Variants in SLC27A6 observed in about 807,000 individuals in gnomAD.
SLC27A6 encodes the protein solute carrier family 27 member 6, also known as long-chain fatty acid transport protein 6.
Under a neutral mutation model 63.9 loss-of-function variants are expected in SLC27A6, and 74 were observed. That is an observed-to-expected ratio of 1.16 (90% CI 0.96 to 1.40). The LOEUF is 1.40. Among genes scored for constraint, SLC27A6 ranks in the 40% most tolerant of loss-of-function variants. The probability of loss-of-function intolerance (pLI) is 0.00; values close to 1 mark genes in which losing one functional copy is unlikely to be tolerated. For synonymous variants in SLC27A6, 287 were observed against 260.8 expected, an observed-to-expected ratio of 1.10 and a Z score of -0.97; for missense variants, 794 against 732.9, an observed-to-expected ratio of 1.08 and a Z score of -0.96.
chr5:129,010,070 G>A (rs1037842569), intron 4 of SLC27A6, among the ~76,000 whole-genome samples: 1 of 152,190 alleles, frequency 6.6e-6, no homozygotes, highest in Non-Finnish European at 1.5e-5. Flanking sequence ...GAATCAGTGA[G>A]TCACTGTCCT....
chr5:129,020,038 C>A (rs1752024451), intron 5 of SLC27A6, among the ~76,000 whole-genome samples: 1 of 151,444 alleles, frequency 6.6e-6, no homozygotes, highest in South Asian at 2.1e-4. Context: ...ACAAAAAGAA[C>A]CAAAAGGAGA....
chr5:128,973,738 G>A (rs530966722), intron 1 of SLC27A6, among the ~76,000 whole-genome samples: 37 of 152,304 alleles, frequency 2.4e-4, no homozygotes, highest in African/African-American at 8.2e-4. Context: ...CAGGTGAGGC[G>A]ATGCCCTGTC....
chr5:128,971,835 T>G (rs1380927176), intron 1 of SLC27A6, among the ~76,000 whole-genome samples: 1 of 152,202 alleles, frequency 6.6e-6, no homozygotes, highest in South Asian at 2.1e-4. Flanking sequence ...TGCTCTTTAG[T>G]TGATGCAGTT....
At position 128,966,569 on chromosome 5, in the gene SLC27A6, C is replaced by G; in HGVS notation, c.432C>G (p.Leu144=). The G allele has an allele frequency of 6.4e-7, 1 of 1,559,908 alleles. No individual in the cohort carries two copies. Among genetic ancestry groups the G allele is most frequent in the Non-Finnish European group, 8.6e-7 (1 of 1,159,306 alleles). The change falls in exon 1 of 10, where the codon CTC becomes CTG. Residue 144 remains leucine (L), a synonymous_variant. Transcript: ENST00000262462. ...FLNTNIRSNS[L]LNCIRACGPR... ...ACACCAACATTCGCTCCAACTCCCT[C>G]CTGAATTGCATCCGCGCCTGTGGGC...
intron 6 of SLC27A6, 50 bp downstream of exon 6, chr5:129,023,760 T>C: frequency 3.8e-6 from 5 of 1,301,268 alleles, no homozygotes; most frequent in Non-Finnish European, 5.5e-6. Flanking sequence ...TCTGATCTCC[T>C]GTATACAGAC....
At chr5:129,024,383 G>A (rs754164255) in intron 6 of SLC27A6, among the ~76,000 whole-genome samples, 2 of 152,112 alleles carry the variant, frequency 1.3e-5, no homozygotes, top group Admixed American at 6.5e-5. Context: ...GGATTTAAAC[G>A]TGGTCTCTGA....
chr5:128,975,540 G>C (rs1750346639), intron 1 of SLC27A6, among the ~76,000 whole-genome samples: 1 of 152,124 alleles, frequency 6.6e-6, no homozygotes, highest in African/African-American at 2.4e-5. Context: ...TAGGCAATTG[G>C]AACACAATGG....
At chr5:129,010,953 G>A (rs1449325382) in intron 4 of SLC27A6, among the ~76,000 whole-genome samples, 1 of 152,046 alleles carries the variant, frequency 6.6e-6, no homozygotes, top group Non-Finnish European at 1.5e-5. Context: ...TTGTTTGAAG[G>A]GCCTAGGTTT....
Position 129,033,216 on chromosome 5 carries a change from A to G in SLC27A6, c.1794A>G (p.Lys598=), listed in dbSNP as rs150330050. ...SEPLYFMDNL[K]KSYVLLTREL... is the part of the protein sequence containing the mutation. ...CACTTTACTTCATGGATAACTTGAAAAAGTCTTATGTTCTACTGACCAGGG... is the reference window on the plus strand; with the variant it reads ...CACTTTACTTCATGGATAACTTGAAGAAGTCTTATGTTCTACTGACCAGGG... The change falls in exon 10 of 10, where the codon AAA becomes AAG. Residue 598 remains lysine, a synonymous_variant. Transcript: ENST00000262462. 1.2e-4 allele frequency: 188 copies of G among 1,601,930 alleles called. No individual in the cohort carries two copies. The highest frequency in any genetic ancestry group is 1.2e-4 in the Non-Finnish European group (141 of 1,173,300).
In SLC27A6 at chr5:129,023,928, T is replaced by C. The variant is rs373778517; in HGVS notation, c.1255+218T>C. Reference sequence around the variant, plus strand: ...AGGTTGCTTATAATACATAATACAATGTAAATGCTACATAAATAGGGTCGT... The same window carrying C: ...AGGTTGCTTATAATACATAATACAACGTAAATGCTACATAAATAGGGTCGT... On this transcript the variant is annotated intron_variant, in intron 6 of 9. Transcript: ENST00000262462. Among the ~76,000 whole-genome samples the C allele has an allele frequency of 1.8e-3, 272 of 152,236 alleles. 9 individuals are homozygous for C. In the South Asian group the frequency reaches 0.051, roughly 28 times the overall value.
intron 4 of SLC27A6, among the ~76,000 whole-genome samples, chr5:128,996,770 G>T (rs1751174855): frequency 7.1e-6 from 1 of 140,260 alleles, no homozygotes; most frequent in South Asian, 2.5e-4. Context: ...ATATGATATG[G>T]AAATGAAGAA....
intron 1 of SLC27A6, among the ~76,000 whole-genome samples, chr5:128,968,276 C>T (rs753734374): frequency 3.7e-4 from 57 of 152,258 alleles, no homozygotes; most frequent in Middle Eastern, 3.4e-3. Context: ...GGTATATACC[C>T]GGTAATGGGA....
intron 4 of SLC27A6, among the ~76,000 whole-genome samples, chr5:129,004,537 T>A (rs1751453735): frequency 1.3e-5 from 2 of 152,208 alleles, no homozygotes; most frequent in Admixed American, 1.3e-4. Context: ...TTCATTTATT[T>A]AATTGTGCTC....
chr5:129,008,573 G>A (rs537947087), intron 4 of SLC27A6, among the ~76,000 whole-genome samples: 1 of 152,298 alleles, frequency 6.6e-6, no homozygotes, highest in East Asian at 1.9e-4. Flanking sequence ...CCTAAGATTT[G>A]CAATGCTGCT....
chr5:129,021,046 G>T (rs1292450239), intron 5 of SLC27A6, among the ~76,000 whole-genome samples: 3 of 151,580 alleles, frequency 2.0e-5, no homozygotes, highest in Admixed American at 2.0e-4. Flanking sequence ...TGTAATTCGG[G>T]TTGACTGCTC....
rs201206690 is a variant in SLC27A6 at position 128,966,632 on chromosome 5, T to A, written c.481+14T>A. On this transcript the variant is annotated intron_variant, in intron 1 of 9. Coordinates refer to ENST00000262462, the MANE Select transcript of SLC27A6 (RefSeq NM_001017372.3). The stretch of plus-strand genomic sequence containing the variant: ...TGGTGGGCGCAGGTAGAGTATGGGG[T>A]GTGGTCTGCCTATACAGAATGGCAG... The A allele has an allele frequency of 3.3e-6, 5 of 1,503,828 alleles. No individual in the cohort carries two copies. Among genetic ancestry groups the A allele is most frequent in the Non-Finnish European group, 4.4e-6 (5 of 1,134,932 alleles). The allele number at this position is 1,503,828 out of a possible 1,614,324, so 93.2% of individuals were successfully genotyped here.
chr5:129,004,422 T>G (rs1751449862), intron 4 of SLC27A6, among the ~76,000 whole-genome samples: 1 of 152,196 alleles, frequency 6.6e-6, no homozygotes, highest in Non-Finnish European at 1.5e-5. Flanking sequence ...TCTCTCACTT[T>G]CACTCTCTGT....
rs150609248 is a variant in SLC27A6 at position 128,981,222 on chromosome 5, A to G, written c.482-3911A>G. 9.2e-3 allele frequency among the ~76,000 whole-genome samples: 1,400 copies of G among 152,210 alleles called. 14 individuals carry two copies. The highest frequency in any genetic ancestry group is 0.031 in the African/African-American group (1,297 of 41,550). Reference sequence around the variant, plus strand: ...TGGCTGGGCGTGGTGGCTCATGTCTATAATCCCAGCACTTTGGGAGGCCAA... The same window carrying G: ...TGGCTGGGCGTGGTGGCTCATGTCTGTAATCCCAGCACTTTGGGAGGCCAA... On this transcript the variant is annotated intron_variant, in intron 1 of 9. Coordinates refer to ENST00000262462, the MANE Select transcript of SLC27A6 (RefSeq NM_001017372.3).
At chr5:129,007,303 G>T (rs1290338092) in intron 4 of SLC27A6, among the ~76,000 whole-genome samples, 1 of 151,772 alleles carries the variant, frequency 6.6e-6, no homozygotes, top group Non-Finnish European at 1.5e-5. Flanking sequence ...AATTAGCCAG[G>T]TGTGGTGGCA....
Sources: gnomAD v4.1 joint callset for allele counts (sites outside exome capture counted in the v4.1 genomes callset) on GRCh38, gnomAD v4.1.1 for gene constraint, MANE v1.5 for transcripts, NCBI Gene and HGNC (gene_info 2026-07-23, HGNC 2026-07-21) for gene names.